Variants in GLIS3 observed in about 807,000 individuals in gnomAD.
The protein encoded by GLIS3 is GLIS family zinc finger 3, also known as zinc finger protein GLIS3.
Under a neutral mutation model 78.6 loss-of-function variants are expected in GLIS3, and 53 were observed. That is an observed-to-expected ratio of 0.67 (90% CI 0.54 to 0.85). The LOEUF (loss-of-function observed/expected upper bound fraction) is 0.85. Among genes scored for constraint, GLIS3 ranks in the 40% least tolerant of loss-of-function variants. The probability of loss-of-function intolerance (pLI) is 0.00; values close to 1 mark genes in which losing one functional copy is unlikely to be tolerated. For missense variants in GLIS3, 1,703 were observed against 1,231.1 expected, an observed-to-expected ratio of 1.38 and a Z score of -5.74; for synonymous variants, 684 against 509.9, an observed-to-expected ratio of 1.34 and a Z score of -4.60.
intron 2 of GLIS3, among the ~76,000 whole-genome samples, chr9:4,264,823 T>G (rs1825835173): frequency 6.6e-6 from 1 of 152,146 alleles, no homozygotes; most frequent in Non-Finnish European, 1.5e-5. Context: ...TGCAGTTACT[T>G]TGCCTTACTA....
intron 4 of GLIS3, among the ~76,000 whole-genome samples, chr9:3,981,827 AG>A (rs1471232657): frequency 1.3e-5 from 2 of 152,130 alleles, no homozygotes; most frequent in African/African-American, 4.8e-5. Context: ...GAACCTCCCC[AG>A]GTGGATGCCT....
chr9:4,044,851 C>T (rs886421750), intron 4 of GLIS3, among the ~76,000 whole-genome samples: 10 of 152,022 alleles, frequency 6.6e-5, no homozygotes, highest in Non-Finnish European at 1.3e-4. Context: ...TTTCCAGACA[C>T]CATCTTGAAA....
At chr9:4,284,959 C>A (rs370364629) in intron 2 of GLIS3, among the ~76,000 whole-genome samples, 3 of 105,726 alleles carry the variant, frequency 2.8e-5, no homozygotes, top group African/African-American at 8.4e-5. Context: ...ATGTTTAGTG[C>A]TATTTTTTTT....
At chr9:4,295,048 G>A (rs1217690856) in intron 1 of GLIS3, among the ~76,000 whole-genome samples, 2 of 152,190 alleles carry the variant, frequency 1.3e-5, no homozygotes, top group African/African-American at 4.8e-5. Flanking sequence ...CTAGGAAAAA[G>A]TGGCACAGAA....
the GLIS3 span, among the ~76,000 whole-genome samples, chr9:4,376,798 C>G: frequency 7.4e-6 from 1 of 135,812 alleles, no homozygotes. Context: ...AAAGGCTACA[C>G]TGAGATACTC....
At chr9:4,332,254 G>A (rs1488645859) in intron 2 of GLIS3, among the ~76,000 whole-genome samples, 1 of 152,174 alleles carries the variant, frequency 6.6e-6, no homozygotes, top group Admixed American at 6.5e-5. Context: ...TTCACTGATA[G>A]CGCCTTTCCT....
chr9:4,296,908 A>C (rs1816575291), intron 1 of GLIS3, among the ~76,000 whole-genome samples: 2 of 25,632 alleles, frequency 7.8e-5, no homozygotes, highest in African/African-American at 1.4e-4. Flanking sequence ...AATTGCAAAA[A>C]AAAAAAAAAA....
chr9:4,194,758 C>T (rs549436349), intron 2 of GLIS3, among the ~76,000 whole-genome samples: 2 of 152,350 alleles, frequency 1.3e-5, no homozygotes, highest in South Asian at 2.1e-4. Context: ...CACCTTTCCA[C>T]TGAAGCTCCG....
chr9:4,316,530 T>C (rs534085880), intron 2 of GLIS3, among the ~76,000 whole-genome samples: 22 of 152,352 alleles, frequency 1.4e-4, no homozygotes, highest in African/African-American at 4.1e-4. Context: ...GTGTGGAGTG[T>C]ACATGTTCTC....
At chr9:4,245,413 T>C (rs747554582) in intron 2 of GLIS3, among the ~76,000 whole-genome samples, 1 of 152,200 alleles carries the variant, frequency 6.6e-6, no homozygotes, top group Non-Finnish European at 1.5e-5. Context: ...TTATAAGCAA[T>C]TTTCAGGTTC....
At chr9:4,185,965 A>G (rs1817750177) in intron 2 of GLIS3, among the ~76,000 whole-genome samples, 1 of 152,142 alleles carries the variant, frequency 6.6e-6, no homozygotes, top group Admixed American at 6.6e-5. Flanking sequence ...AGTGTGTCAA[A>G]GTTAAATTGG....
chr9:4,017,269 C>T (rs546342530), intron 4 of GLIS3, among the ~76,000 whole-genome samples: 28 of 152,230 alleles, frequency 1.8e-4, no homozygotes, highest in Non-Finnish European at 2.5e-4. Flanking sequence ...TATAATTAGT[C>T]AGAGTGGTTT....
chr9:3,960,272 T>G (rs1309994625), intron 4 of GLIS3, among the ~76,000 whole-genome samples: 6 of 152,182 alleles, frequency 3.9e-5, no homozygotes, highest in Admixed American at 2.0e-4. Context: ...GAGCAGATCC[T>G]CTTCTCACAG....
intron 4 of GLIS3, among the ~76,000 whole-genome samples, chr9:3,951,662 G>T (rs144406666): frequency 2.6e-5 from 4 of 152,176 alleles, no homozygotes; most frequent in Admixed American, 6.5e-5. Flanking sequence ...AGGGTGAACG[G>T]ACACTGATTT....
At chr9:4,392,648 C>G in the GLIS3 span, among the ~76,000 whole-genome samples, 4 of 152,244 alleles carry the variant, frequency 2.6e-5, no homozygotes, top group Admixed American at 2.0e-4. Flanking sequence ...CAAATTACCT[C>G]ATAAATGCAG....
intron 4 of GLIS3, among the ~76,000 whole-genome samples, chr9:4,083,492 T>C (rs1429504283): frequency 6.6e-6 from 1 of 152,206 alleles, no homozygotes; most frequent in African/African-American, 2.4e-5. Flanking sequence ...TTGCCATTTA[T>C]GTTGTTCAAT....
chr9:4,158,953 G>A (rs142849637), intron 2 of GLIS3, among the ~76,000 whole-genome samples: 53 of 150,684 alleles, frequency 3.5e-4, no homozygotes, highest in African/African-American at 1.2e-3. Context: ...ATACGGGGGC[G>A]GAGTCCCGGG....
At chr9:4,430,990 C>T in the GLIS3 span, among the ~76,000 whole-genome samples, 1 of 152,086 alleles carries the variant, frequency 6.6e-6, no homozygotes, top group African/African-American at 2.4e-5. Context: ...CTGGAAGATC[C>T]TGGCACACAG....
At chr9:4,390,591 C>T in the GLIS3 span, among the ~76,000 whole-genome samples, 1 of 152,116 alleles carries the variant, frequency 6.6e-6, no homozygotes, top group African/African-American at 2.4e-5. Context: ...ATGGGAGTGC[C>T]CAGTCTCTCT....
Sources: gnomAD v4.1 joint callset for allele counts (sites outside exome capture counted in the v4.1 genomes callset) on GRCh38, gnomAD v4.1.1 for gene constraint, MANE v1.5 for transcripts, NCBI Gene and HGNC (gene_info 2026-07-23, HGNC 2026-07-21) for gene names.